The following KIAA0232 variants were observed in gnomAD, a reference collection of about 807,000 sequenced individuals.
KIAA0232 encodes uncharacterized protein KIAA0232.
KIAA0232 carries 27 observed loss-of-function variants against 122.0 expected under a neutral mutation model. That is an observed-to-expected ratio of 0.22 (90% CI 0.16 to 0.31). KIAA0232 has a LOEUF of 0.31. Ranked by LOEUF, KIAA0232 falls within the 10% of genes least tolerant of loss-of-function variation. KIAA0232 has a pLI of 1.00. For synonymous variants in KIAA0232, 613 were observed against 587.6 expected (o/e 1.04, Z -0.63); for missense variants, 1,551 against 1,634.2 (o/e 0.95, Z 0.88).
chr4:6,803,641 C>T (rs1224133578), intron 1 of KIAA0232, among the ~76,000 whole-genome samples: 1 of 152,144 alleles, frequency 6.6e-6, no homozygotes, highest in African/African-American at 2.4e-5. Context: ...TCAAGTATTT[C>T]ATGTTAAAGA....
chr4:6,833,861 C>A (rs1275250834), intron 3 of KIAA0232, among the ~76,000 whole-genome samples: 1 of 152,130 alleles, frequency 6.6e-6, no homozygotes, highest in African/African-American at 2.4e-5. Context: ...CCAAAAGTTC[C>A]TTTAATACCA....
intron 2 of KIAA0232, among the ~76,000 whole-genome samples, chr4:6,819,635 C>T (rs1414800357): frequency 1.3e-5 from 2 of 152,178 alleles, no homozygotes; most frequent in Non-Finnish European, 2.9e-5. Flanking sequence ...AAAGGGAACA[C>T]TCATGCACTG....
At chr4:6,802,232 G>A (rs1040349461) in intron 1 of KIAA0232, among the ~76,000 whole-genome samples, 34 of 152,204 alleles carry the variant, frequency 2.2e-4, no homozygotes, top group Non-Finnish European at 3.8e-4. Flanking sequence ...AGCTGTCCCG[G>A]CTTGGGCTGG....
In KIAA0232 at chr4:6,876,771, C is replaced by G; in HGVS notation, c.4008+14C>G. 6.5e-7 allele frequency: 1 copy of G among 1,542,136 alleles called. No homozygotes were observed. The highest frequency in any genetic ancestry group is 9.0e-7 in the Non-Finnish European group (1 of 1,114,744). ...GATTTTAATAGGGTAAGTGGACTGT[C>G]CTCCTCCTCGTCATTAACTTACAAA... On this transcript the variant is annotated intron_variant, in intron 9 of 9. Coordinates refer to ENST00000307659, the MANE Select transcript of KIAA0232 (RefSeq NM_014743.3).
At chr4:6,833,679 A>G (rs886091507) in intron 3 of KIAA0232, among the ~76,000 whole-genome samples, 2 of 152,192 alleles carry the variant, frequency 1.3e-5, no homozygotes, top group Non-Finnish European at 2.9e-5. Context: ...TGTTCATGCT[A>G]CTGATGGAAG....
At chr4:6,836,528 C>CTTTTTTTTTTTTTTTTTTT (rs1323217192) in intron 3 of KIAA0232, among the ~76,000 whole-genome samples, 2 of 95,702 alleles carry the variant, frequency 2.1e-5, no homozygotes, top group African/African-American at 3.8e-5. Flanking sequence ...TGTCCTTTTT[C>CTTTTTTTTTTTTTTTTTTT]TTTTTTTTTT....
intron 3 of KIAA0232, among the ~76,000 whole-genome samples, chr4:6,839,561 G>A (rs1719532253): frequency 1.3e-5 from 2 of 152,196 alleles, no homozygotes; most frequent in South Asian, 4.1e-4. Context: ...TCACCTTGAA[G>A]GAAGAATAAA....
intron 7 of KIAA0232, 63 bp downstream of exon 7, chr4:6,864,246 C>CA: frequency 1.3e-6 from 2 of 1,483,618 alleles, no homozygotes; most frequent in Non-Finnish European, 1.8e-6. Flanking sequence ...CAAGAACAGA[C>CA]ATGCCAGTCA....
At chr4:6,841,383 T>C (rs1719653938) in intron 3 of KIAA0232, among the ~76,000 whole-genome samples, 1 of 152,236 alleles carries the variant, frequency 6.6e-6, no homozygotes, top group Non-Finnish European at 1.5e-5. Flanking sequence ...TTAGTATTAA[T>C]CTACAATATA....
chr4:6,845,392 C>T (rs574239848), intron 4 of KIAA0232, among the ~76,000 whole-genome samples: 3 of 152,060 alleles, frequency 2.0e-5, no homozygotes, highest in Non-Finnish European at 4.4e-5. Flanking sequence ...GACAGGGTCT[C>T]CCTGTGTTGC....
intron 3 of KIAA0232, among the ~76,000 whole-genome samples, chr4:6,837,903 G>A (rs1299285905): frequency 6.9e-6 from 1 of 144,274 alleles, no homozygotes; most frequent in Admixed American, 6.9e-5. Context: ...GGGAGACCGT[G>A]CAAAGGGGAG....
At chr4:6,858,110 G>T (rs1353190458) in intron 5 of KIAA0232, among the ~76,000 whole-genome samples, 1 of 152,236 alleles carries the variant, frequency 6.6e-6, no homozygotes, top group Non-Finnish European at 1.5e-5. Context: ...AATCTAAACA[G>T]ATGTTCTGTC....
chr4:6,878,622 T>A (rs1294890406), intron 9 of KIAA0232, among the ~76,000 whole-genome samples: 7 of 152,180 alleles, frequency 4.6e-5, no homozygotes, highest in Non-Finnish European at 1.0e-4. Flanking sequence ...CATTCTGTAT[T>A]CCCTTTGCCT....
chr4:6,857,183 T>C lies in KIAA0232; in HGVS notation c.389T>C (p.Leu130Ser). 1.9e-6 allele frequency: 3 copies of C among 1,610,060 alleles called. No individual in the cohort carries two copies. Among genetic ancestry groups the C allele is most frequent in the Non-Finnish European group, 2.5e-6 (3 of 1,178,088 alleles). The change falls in exon 5 of 10, where the codon TTA (leucine) becomes TCA (serine). Residue 130 changes from leucine (L) to serine (S), a missense_variant. Leu to Ser is a moderately radical substitution (Grantham distance 145). Transcript: ENST00000307659. ...ASDESSGIET[L>S]VEELCSRLKD... is the part of the protein sequence containing the mutation. ...ATGCAGAGCTCTGGTATCGAGACTT[T>C]AGTGGAGGAGCTCTGCTCCAGACTG...
chr4:6,784,272 A>G (rs1257425330), intron 1 of KIAA0232, among the ~76,000 whole-genome samples: 1 of 152,146 alleles, frequency 6.6e-6, no homozygotes, highest in Non-Finnish European at 1.5e-5. Flanking sequence ...AAACTGTTAG[A>G]AAGCTCGTGA....
intron 3 of KIAA0232, among the ~76,000 whole-genome samples, chr4:6,837,358 C>T (rs964094521): frequency 7.3e-5 from 11 of 151,408 alleles, no homozygotes; most frequent in Admixed American, 6.6e-5. Flanking sequence ...AGACGATGGG[C>T]GGCCGGGCAG....
At chr4:6,872,070 GAGAC>G (rs966748021) in intron 8 of KIAA0232, among the ~76,000 whole-genome samples, 5 of 152,212 alleles carry the variant, frequency 3.3e-5, no homozygotes, top group East Asian at 1.9e-4. Flanking sequence ...TGACGCGGGA[GAGAC>G]AGACAGGGCA....
chr4:6,831,546 A>G (rs745915051), intron 3 of KIAA0232, among the ~76,000 whole-genome samples: 9 of 152,248 alleles, frequency 5.9e-5, no homozygotes, highest in Non-Finnish European at 8.8e-5. Flanking sequence ...CTGTACAAGA[A>G]TAAGAGGTTT....
chr4:6,789,435 G>A (rs1371581295), intron 1 of KIAA0232, among the ~76,000 whole-genome samples: 1 of 151,778 alleles, frequency 6.6e-6, no homozygotes, highest in African/African-American at 2.4e-5. Context: ...CACCATGCCC[G>A]GCTAATTTTT....
Sources: gnomAD v4.1 joint callset for allele counts (sites outside exome capture counted in the v4.1 genomes callset) on GRCh38, gnomAD v4.1.1 for gene constraint, MANE v1.5 for transcripts, NCBI Gene and HGNC (gene_info 2026-07-23, HGNC 2026-07-21) for gene names.